The following MZT1 variants were observed in gnomAD, a reference collection of about 807,000 sequenced individuals.
MZT1 encodes the protein mitotic-spindle organizing protein 1.
In MZT1, 8 loss-of-function variants were observed where a neutral mutation model predicts 8.5. The ratio of observed to expected loss-of-function variants is 0.94; its 90% CI spans 0.55 to 1.70. The LOEUF is 1.70. Among genes scored for constraint, MZT1 ranks in the 40% most tolerant of loss-of-function variants. MZT1 has a pLI of 0.00. For synonymous variants in MZT1, 38 were observed against 42.0 expected (o/e 0.90, Z 0.37); for missense variants, 93 against 108.6 (o/e 0.86, Z 0.64).
In MZT1 at chr13:72,709,025, C is replaced by T. The variant is rs2138003078; in HGVS notation, c.*1297G>A. 1 of 151,894 alleles carries T rather than the reference C, an allele frequency of 6.6e-6. No homozygotes were observed. The highest frequency in any genetic ancestry group is 1.9e-4 in the East Asian group (1 of 5,194). 9.4% of individuals were successfully genotyped at this position (151,894 alleles called of 1,614,324 possible). On this transcript the variant is annotated 3_prime_UTR_variant, in exon 3 of 3. Transcript: ENST00000377818. ...TCCATATTAGTTTTGCAAAAAAACT[C>T]CACTGAGATTCTATTACAGGAACAG...
chr13:72,718,611 G>T (rs2032561204), intron 2 of MZT1, among the ~76,000 whole-genome samples: 1 of 151,966 alleles, frequency 6.6e-6, no homozygotes, highest in African/African-American at 2.4e-5. Flanking sequence ...CCAAGTAGCT[G>T]GGACTACAGG....
At chr13:72,715,660 T>A (rs1371283164) in intron 2 of MZT1, among the ~76,000 whole-genome samples, 11 of 152,166 alleles carry the variant, frequency 7.2e-5, no homozygotes, top group African/African-American at 2.7e-4. Context: ...TTTAGCACCA[T>A]CCTCTTGGTG....
intron 1 of MZT1, among the ~76,000 whole-genome samples, chr13:72,723,351 T>C (rs1210352524): frequency 6.6e-6 from 1 of 152,224 alleles, no homozygotes; most frequent in African/African-American, 2.4e-5. Context: ...GCCTACCATA[T>C]GATCAGTACA....
intron 2 of MZT1, among the ~76,000 whole-genome samples, chr13:72,711,041 T>G (rs2032484182): frequency 6.6e-6 from 1 of 152,142 alleles, no homozygotes; most frequent in Non-Finnish European, 1.5e-5. Flanking sequence ...CAGGGACACA[T>G]CGCAGATTTA....
At position 72,719,111 on chromosome 13, in the gene MZT1, C is replaced by T. The variant is rs202140888; in HGVS notation, c.80-14G>A. On this transcript the variant is annotated splice_polypyrimidine_tract_variant and intron_variant, in intron 1 of 2. Transcript: ENST00000377818. ...TCTCAAGCAGAACTGAAAAAAGATA[C>T]AAAAAAAAAAAAAACTTAAGGCTTA... The T allele has an allele frequency of 1.6e-6, 2 of 1,246,436 alleles. No individual in the cohort carries two copies. The highest frequency in any genetic ancestry group is 7.2e-5 in the Admixed American group (2 of 27,816). 77.2% of individuals were successfully genotyped at this position (1,246,436 alleles called of 1,614,324 possible).
intron 1 of MZT1, among the ~76,000 whole-genome samples, chr13:72,724,970 T>TC (rs1234588300): frequency 1.4e-5 from 2 of 147,142 alleles, no homozygotes; most frequent in African/African-American, 2.5e-5. Flanking sequence ...GAGAATTGGT[T>TC]CCCATCCCCA....
intron 1 of MZT1, among the ~76,000 whole-genome samples, chr13:72,724,771 G>T (rs2032629609): frequency 9.2e-6 from 1 of 108,906 alleles, no homozygotes; most frequent in African/African-American, 3.1e-5. Context: ...GGTGCTACAG[G>T]CCGGGCACAG....
At position 72,719,115 on chromosome 13, in the gene MZT1, A is replaced by G; in HGVS notation, c.80-18T>C. ...AAGCAGAACTGAAAAAAGATACAAA[A>G]AAAAAAAAAACTTAAGGCTTACAGC... On this transcript the variant is annotated intron_variant, in intron 1 of 2. Transcript: ENST00000377818. 2 of 1,524,068 alleles carry G rather than the reference A, an allele frequency of 1.3e-6. No homozygotes were observed. Among genetic ancestry groups the G allele is most frequent in the East Asian group, 2.3e-5 (1 of 43,068 alleles). 94.4% of individuals were successfully genotyped at this position (1,524,068 alleles called of 1,614,324 possible).
At chr13:72,710,761 C>T (rs2032481582) in intron 2 of MZT1, among the ~76,000 whole-genome samples, 1 of 152,048 alleles carries the variant, frequency 6.6e-6, no homozygotes, top group Non-Finnish European at 1.5e-5. Context: ...GAATAATGAA[C>T]ATCTTATCTA....
intron 1 of MZT1, among the ~76,000 whole-genome samples, chr13:72,721,965 A>C (rs931346804): frequency 6.6e-6 from 1 of 152,208 alleles, no homozygotes; most frequent in Non-Finnish European, 1.5e-5. Flanking sequence ...TTTCAAATTT[A>C]TTTCAGTAGC....
intron 1 of MZT1, among the ~76,000 whole-genome samples, chr13:72,724,961 A>G (rs1287169293): frequency 1.3e-5 from 2 of 148,976 alleles, no homozygotes; most frequent in African/African-American, 4.9e-5. Context: ...CCAAGGCAGG[A>G]GAATTGGTTC....
chr13:72,715,607 T>G (rs2138009353), intron 2 of MZT1, among the ~76,000 whole-genome samples: 1 of 152,268 alleles, frequency 6.6e-6, no homozygotes, highest in East Asian at 1.9e-4. Context: ...ATGTTGGAGG[T>G]GGGGCCTGGT....
At chr13:72,724,205 T>C (rs1396744415) in intron 1 of MZT1, among the ~76,000 whole-genome samples, 1 of 152,110 alleles carries the variant, frequency 6.6e-6, no homozygotes, top group Non-Finnish European at 1.5e-5. Flanking sequence ...AATAGGAACA[T>C]AAAAAAATCA....
At chr13:72,715,552 C>T (rs1408362649) in intron 2 of MZT1, among the ~76,000 whole-genome samples, 2 of 152,174 alleles carry the variant, frequency 1.3e-5, no homozygotes, top group Non-Finnish European at 2.9e-5. Flanking sequence ...CAAATTTCAC[C>T]TTGAAATGTA....
At position 72,710,344 on chromosome 13, in the gene MZT1, G is replaced by A; in HGVS notation, c.227C>T (p.Ala76Val). The A allele has an allele frequency of 6.2e-7, 1 of 1,612,966 alleles. No homozygotes were observed. The highest frequency in any genetic ancestry group is 1.3e-5 in the African/African-American group (1 of 74,952). ...AAGTCAGCTTGTCATATTTTCAGCA[G>A]CCTAGAACAAGAAAGTAAGATTCAT... ...ELRKATEALKAAENMTS is the reference protein window; with the variant it reads ...ELRKATEALKVAENMTS The change falls in exon 3 of 3, where the codon GCT becomes GTT. Residue 76 changes from alanine to valine, a missense_variant and splice_region_variant. Transcript: ENST00000377818.
intron 2 of MZT1, among the ~76,000 whole-genome samples, chr13:72,711,819 T>G (rs2032491737): frequency 6.6e-6 from 1 of 152,144 alleles, no homozygotes; most frequent in Non-Finnish European, 1.5e-5. Context: ...TGTGGCTCAG[T>G]GTATCTCTAA....
chr13:72,718,694 T>C (rs1311793149), intron 2 of MZT1, among the ~76,000 whole-genome samples: 2 of 152,042 alleles, frequency 1.3e-5, no homozygotes, highest in Non-Finnish European at 2.9e-5. Flanking sequence ...TTAGCCAGGA[T>C]GGTTTCGATC....
intron 1 of MZT1, among the ~76,000 whole-genome samples, chr13:72,725,484 T>C (rs569520841): frequency 6.6e-6 from 1 of 152,280 alleles, no homozygotes; most frequent in African/African-American, 2.4e-5. Context: ...TCACATGACT[T>C]AAAGGGAGGT....
chr13:72,722,241 C>T (rs767973908), intron 1 of MZT1, among the ~76,000 whole-genome samples: 2 of 152,162 alleles, frequency 1.3e-5, no homozygotes, highest in Non-Finnish European at 2.9e-5. Flanking sequence ...AAGTTACTCT[C>T]TCTGTGCCTT....
Sources: gnomAD v4.1 joint callset for allele counts (sites outside exome capture counted in the v4.1 genomes callset) on GRCh38, gnomAD v4.1.1 for gene constraint, MANE v1.5 for transcripts, NCBI Gene and HGNC (gene_info 2026-07-23, HGNC 2026-07-21) for gene names.